The following SH3GL2 variants were observed in gnomAD, a reference collection of about 807,000 sequenced individuals.
SH3GL2 encodes the protein endophilin-A1.
A neutral mutation model predicts 46.0 loss-of-function variants in SH3GL2; 24 were observed. The ratio of observed to expected loss-of-function variants is 0.52; its 90% CI spans 0.38 to 0.73. The LOEUF is 0.73. SH3GL2 is among the 30% of genes least tolerant of loss of function. The pLI is 0.00. For missense variants in SH3GL2, 413 were observed against 424.2 expected (o/e 0.97, Z 0.23); for synonymous variants, 196 against 147.1 (o/e 1.33, Z -2.40).
At chr9:17,579,395 C>A in intron 1 of SH3GL2, 108 bp downstream of exon 1, 1 of 585,782 alleles carries the variant, frequency 1.7e-6, no homozygotes, top group Non-Finnish European at 2.5e-6. Context: ...CACCGAGCCT[C>A]GCCCGCGCCG....
chr9:17,662,076 A>T (rs1820231314), intron 1 of SH3GL2, among the ~76,000 whole-genome samples: 1 of 152,216 alleles, frequency 6.6e-6, no homozygotes, highest in African/African-American at 2.4e-5. Flanking sequence ...GTCCAATACA[A>T]AGTGTATCTT....
At chr9:17,632,320 G>A (rs189262938) in intron 1 of SH3GL2, among the ~76,000 whole-genome samples, 8 of 152,262 alleles carry the variant, frequency 5.3e-5, no homozygotes, top group Non-Finnish European at 1.0e-4. Flanking sequence ...ACTATTTTTA[G>A]TTTTGCATTT....
At chr9:17,592,355 A>G (rs1818501092) in intron 1 of SH3GL2, among the ~76,000 whole-genome samples, 1 of 152,224 alleles carries the variant, frequency 6.6e-6, no homozygotes, top group African/African-American at 2.4e-5. Context: ...ACACACACAG[A>G]AATATTTTAC....
At chr9:17,757,205 A>G (rs1340605160) in intron 2 of SH3GL2, among the ~76,000 whole-genome samples, 4 of 152,222 alleles carry the variant, frequency 2.6e-5, no homozygotes, top group African/African-American at 9.6e-5. Context: ...AAACCCTAGA[A>G]GAAAACCTAG....
intron 1 of SH3GL2, among the ~76,000 whole-genome samples, chr9:17,680,226 C>G (rs1056646229): frequency 6.6e-6 from 1 of 152,136 alleles, no homozygotes; most frequent in Non-Finnish European, 1.5e-5. Context: ...CTTTGTACCT[C>G]TGGTAGAATT....
chr9:17,778,432 G>A (rs1335887434), intron 3 of SH3GL2, among the ~76,000 whole-genome samples: 1 of 152,088 alleles, frequency 6.6e-6, no homozygotes, highest in Non-Finnish European at 1.5e-5. Flanking sequence ...GAGAGTGACC[G>A]GGTCCAGGAA....
chr9:17,728,413 CCTT>C (rs1193393831), intron 1 of SH3GL2, among the ~76,000 whole-genome samples: 10 of 151,998 alleles, frequency 6.6e-5, no homozygotes, highest in African/African-American at 1.9e-4. Context: ...GTATCTAAAA[CCTT>C]CTACTTACAG....
intron 3 of SH3GL2, among the ~76,000 whole-genome samples, chr9:17,764,518 T>A (rs1823267326): frequency 6.6e-6 from 1 of 152,240 alleles, no homozygotes; most frequent in Non-Finnish European, 1.5e-5. Context: ...CCAGTGTGGA[T>A]ACTGAATGCT....
chr9:17,608,464 C>T (rs577238271), intron 1 of SH3GL2, among the ~76,000 whole-genome samples: 15 of 152,292 alleles, frequency 9.8e-5, no homozygotes, highest in African/African-American at 3.6e-4. Context: ...TTAATGGAAA[C>T]TTTGATAAAT....
chr9:17,745,652 G>A (rs965931050), intron 1 of SH3GL2, among the ~76,000 whole-genome samples: 2 of 148,486 alleles, frequency 1.3e-5, no homozygotes, highest in Non-Finnish European at 3.1e-5. Context: ...AAGTGGGAGT[G>A]AAGGACAGAT....
chr9:17,717,998 G>A (rs1425940421), intron 1 of SH3GL2, among the ~76,000 whole-genome samples: 1 of 152,068 alleles, frequency 6.6e-6, no homozygotes, highest in Non-Finnish European at 1.5e-5. Flanking sequence ...TCTTCCTGCT[G>A]TTGCAGGTTA....
intron 1 of SH3GL2, among the ~76,000 whole-genome samples, chr9:17,672,715 A>G (rs556093672): frequency 6.6e-5 from 10 of 152,262 alleles, no homozygotes; most frequent in African/African-American, 2.4e-4. Context: ...CTGTATATTC[A>G]TCAGACCGTG....
At chr9:17,720,859 C>G (rs1426297780) in intron 1 of SH3GL2, among the ~76,000 whole-genome samples, 2 of 152,062 alleles carry the variant, frequency 1.3e-5, no homozygotes, top group East Asian at 3.9e-4. Flanking sequence ...AGGTGAGCCA[C>G]CAAAATTTGA....
At chr9:17,634,640 G>A (rs752676543) in intron 1 of SH3GL2, among the ~76,000 whole-genome samples, 11 of 152,152 alleles carry the variant, frequency 7.2e-5, no homozygotes, top group Non-Finnish European at 1.6e-4. Flanking sequence ...AAAAACCAAG[G>A]TTAGTTTAGC....
intron 1 of SH3GL2, among the ~76,000 whole-genome samples, chr9:17,646,881 C>A (rs1219947674): frequency 6.6e-6 from 1 of 152,226 alleles, no homozygotes; most frequent in African/African-American, 2.4e-5. Flanking sequence ...GGCAGTCTGT[C>A]CGTTATCAGA....
At chr9:17,734,912 A>G (rs1822285718) in intron 1 of SH3GL2, among the ~76,000 whole-genome samples, 1 of 152,122 alleles carries the variant, frequency 6.6e-6, no homozygotes, top group African/African-American at 2.4e-5. Flanking sequence ...AAATACACTA[A>G]AAATCACTGG....
intron 1 of SH3GL2, among the ~76,000 whole-genome samples, chr9:17,631,455 T>C (rs986979145): frequency 5.9e-5 from 9 of 152,246 alleles, no homozygotes; most frequent in Non-Finnish European, 1.0e-4. Context: ...TTTTCTGGGC[T>C]TTATTGTAAT....
intron 3 of SH3GL2, among the ~76,000 whole-genome samples, chr9:17,772,600 C>CT (rs1401056719): frequency 6.6e-6 from 1 of 152,108 alleles, no homozygotes; most frequent in Admixed American, 6.6e-5. Context: ...TAGCATTTGT[C>CT]TTTTTTGTGA....
intron 1 of SH3GL2, among the ~76,000 whole-genome samples, chr9:17,724,933 T>C (rs1264714576): frequency 6.6e-6 from 1 of 152,116 alleles, no homozygotes; most frequent in African/African-American, 2.4e-5. Flanking sequence ...TATGCGTGGC[T>C]TTCACGGTTC....
Sources: allele counts gnomAD v4.1 joint callset (sites outside exome capture counted in the v4.1 genomes callset), GRCh38; gene constraint gnomAD v4.1.1; transcripts MANE v1.5; gene names NCBI Gene and HGNC (gene_info 2026-07-23, HGNC 2026-07-21).